Variants in RBL1 observed in about 807,000 individuals in gnomAD.
RBL1 encodes the protein retinoblastoma-like protein 1.
Under a neutral mutation model 123.0 loss-of-function variants are expected in RBL1, and 82 were observed. The ratio of observed to expected loss-of-function variants is 0.67; its 90% CI spans 0.56 to 0.80. RBL1 has a LOEUF of 0.80. RBL1 is among the 30% of genes least tolerant of loss of function. RBL1 has a pLI of 0.00. For missense variants in RBL1, 1,171 were observed against 1,299.6 expected (o/e 0.90, Z 1.52); for synonymous variants, 405 against 441.3 (o/e 0.92, Z 1.03).
intron 15 of RBL1, among the ~76,000 whole-genome samples, chr20:37,033,634 G>A (rs543931178): frequency 4.0e-4 from 56 of 139,340 alleles, no homozygotes; most frequent in Non-Finnish European, 6.2e-4. Context: ...TTTTTTTTGA[G>A]ACAGTCTCAC....
At chr20:37,009,703 CAG>C (rs78822198) in intron 19 of RBL1, among the ~76,000 whole-genome samples, 20,991 of 151,956 alleles carry the variant, frequency 0.14, 2,137 homozygotes, top group East Asian at 0.47. Flanking sequence ...TTTCTTGAGA[CAG>C]AGACTATAGT....
Position 37,003,742 on chromosome 20 carries a change from C to T in RBL1, c.2996G>A (p.Arg999Lys), listed in dbSNP as rs770587391. ...PHKNGSGLTP[R>K]SALLYKFNGS... ...ATTGAACTTGTACAGCAGAGCGCTT[C>T]TTGGTGTAAGGCCTGACCCATTCTT... The change falls in exon 21 of 22, where the codon AGA (arginine) becomes AAA (lysine). Residue 999 changes from arginine to lysine, a missense_variant. Arg to Lys is a conservative substitution (Grantham distance 26, BLOSUM62 2). Coordinates refer to ENST00000373664, the MANE Select transcript of RBL1 (RefSeq NM_002895.5). The T allele has an allele frequency of 1.9e-6, 3 of 1,613,750 alleles. No homozygotes were observed. Among genetic ancestry groups the T allele is most frequent in the East Asian group, 4.5e-5 (2 of 44,868 alleles).
intron 9 of RBL1, among the ~76,000 whole-genome samples, chr20:37,056,720 T>A (rs1384390184): frequency 6.6e-6 from 1 of 152,140 alleles, no homozygotes; most frequent in Non-Finnish European, 1.5e-5. Flanking sequence ...AATCTACATA[T>A]GTAAGCAAAG....
chr20:37,011,687 G>C (rs568602196), intron 19 of RBL1, among the ~76,000 whole-genome samples: 3 of 151,264 alleles, frequency 2.0e-5, no homozygotes, highest in South Asian at 2.1e-4. Flanking sequence ...TGCCCGCCTC[G>C]GTCTCCCAAA....
At chr20:37,051,160 GCCTCAGCCTCCCACAGAT>G (rs1486137715) in intron 11 of RBL1, among the ~76,000 whole-genome samples, 2 of 151,532 alleles carry the variant, frequency 1.3e-5, no homozygotes. Context: ...CAATCCTCAT[GCCTCAGCCTCCCACAGAT>G]CTTTTTTTCT....
chr20:37,022,436 C>T (rs565211098), intron 17 of RBL1, among the ~76,000 whole-genome samples: 7 of 152,284 alleles, frequency 4.6e-5, no homozygotes, highest in South Asian at 2.1e-4. Flanking sequence ...AAGAGATCCT[C>T]CCACCTCAGT....
Position 37,075,619 on chromosome 20 carries a change from C to G in RBL1, c.291-7433G>C, listed in dbSNP as rs890305804. Among the ~76,000 whole-genome samples the G allele has an allele frequency of 4.7e-4, 72 of 152,102 alleles. 1 individual carries two copies. Among genetic ancestry groups the G allele is most frequent in the African/African-American group, 1.6e-3 (67 of 41,424 alleles). ...TATAGGCACATGCCACCACACCTGA[C>G]TAATTTTTGTATTTTTGGTAGAGAT... On this transcript the variant is annotated intron_variant, in intron 2 of 21. Transcript: ENST00000373664.
chr20:37,018,140 CT>C (rs1251339603), intron 19 of RBL1, 138 bp downstream of exon 19: 1 of 998,880 alleles, frequency 1.0e-6, no homozygotes, highest in African/African-American at 1.7e-5. Flanking sequence ...TAATCTCAAA[CT>C]TATTTGTTTT....
rs546373925 is a variant in RBL1 at position 37,000,432 on chromosome 20, C to T, written c.3037-1503G>A. Among the ~76,000 whole-genome samples the T allele has an allele frequency of 5.0e-3, 723 of 144,696 alleles. 4 individuals are homozygous for T. The highest frequency in any genetic ancestry group is 8.2e-3 in the Non-Finnish European group (540 of 65,540). 94.9% of individuals were successfully genotyped at this position (144,696 alleles called of 152,430 possible). On this transcript the variant is annotated intron_variant, in intron 21 of 21. Coordinates refer to ENST00000373664, the MANE Select transcript of RBL1 (RefSeq NM_002895.5). ...GGAGGGAGGTGGGGGGGTCATCCCT[C>T]TGCCCAGCCAGCTGCCCGTCCGGGA...
chr20:37,071,376 C>G (rs2065279121), intron 2 of RBL1, among the ~76,000 whole-genome samples: 1 of 152,144 alleles, frequency 6.6e-6, no homozygotes, highest in South Asian at 2.1e-4. Context: ...ATTTCCTTGG[C>G]TGGGCATGGT....
chr20:37,033,567 G>A (rs536470865), intron 15 of RBL1, among the ~76,000 whole-genome samples: 14 of 151,032 alleles, frequency 9.3e-5, no homozygotes, highest in Middle Eastern at 6.8e-3. Flanking sequence ...TGCCTGCCTT[G>A]GCCTCCCAAA....
rs544576867 is a variant in RBL1, at chr20:37,012,258, G to A, written c.2723-4699C>T. On this transcript the variant is annotated intron_variant, in intron 19 of 21. Transcript: ENST00000373664. ...CCTGGCCTTGGCCTCCCAAAGTGCC[G>A]AGATTGCAGCCTCTGCCCGGCCGCC... Among the ~76,000 whole-genome samples, 7 of 152,354 alleles carry A rather than the reference G, an allele frequency of 4.6e-5. No individual in the cohort carries two copies. The South Asian group carries it at 6.2e-4, about 14-fold the overall frequency.
At chr20:37,069,564 G>GCAA (rs1311111814) in intron 2 of RBL1, among the ~76,000 whole-genome samples, 1 of 144,800 alleles carries the variant, frequency 6.9e-6, no homozygotes, top group Non-Finnish European at 1.6e-5. Flanking sequence ...TCTCTGCCCG[G>GCAA]CCGCCCCGTC....
intron 2 of RBL1, among the ~76,000 whole-genome samples, chr20:37,069,408 G>A (rs1026029408): frequency 2.0e-5 from 3 of 150,668 alleles, no homozygotes; most frequent in Non-Finnish European, 2.9e-5. Context: ...CCTCTTCCTC[G>A]CCGCCATCCC....
At chr20:37,029,225 G>A (rs1316047140) in intron 16 of RBL1, among the ~76,000 whole-genome samples, 1 of 152,142 alleles carries the variant, frequency 6.6e-6, no homozygotes, top group East Asian at 1.9e-4. Flanking sequence ...AGGATATACA[G>A]TAATCCCTTG....
chr20:37,020,432 C>G (rs1327683666), intron 18 of RBL1, among the ~76,000 whole-genome samples: 2 of 152,080 alleles, frequency 1.3e-5, no homozygotes, highest in Non-Finnish European at 2.9e-5. Context: ...AATGGCAGAA[C>G]TTATGAGAAG....
chr20:37,017,596 T>C (rs1361177031), intron 19 of RBL1, among the ~76,000 whole-genome samples: 1 of 143,598 alleles, frequency 7.0e-6, no homozygotes, highest in African/African-American at 2.7e-5. Flanking sequence ...CTATAAGTAA[T>C]ACTTATATGA....
chr20:37,062,682 G>A (rs2065115375), intron 7 of RBL1, among the ~76,000 whole-genome samples: 3 of 147,832 alleles, frequency 2.0e-5, no homozygotes, highest in South Asian at 2.1e-4. Context: ...TGGGCCAGGC[G>A]CGGTGGCTCA....
At chr20:37,035,690 C>G (rs191823345) in intron 14 of RBL1, among the ~76,000 whole-genome samples, 182 bp from the exon 15 acceptor site, 6 of 152,138 alleles carry the variant, frequency 3.9e-5, no homozygotes, top group African/African-American at 1.4e-4. Context: ...TAAGTCACTA[C>G]GATAAAACGT....
Sources: allele counts gnomAD v4.1 joint callset (sites outside exome capture counted in the v4.1 genomes callset), GRCh38; gene constraint gnomAD v4.1.1; transcripts MANE v1.5; gene names NCBI Gene and HGNC (gene_info 2026-07-23, HGNC 2026-07-21).